The following ZNF841 variants were observed in gnomAD, a reference collection of about 807,000 sequenced individuals.
ZNF841 encodes TCONS_00006091.
In ZNF841, 11 loss-of-function variants were observed where a neutral mutation model predicts 13.0. The ratio of observed to expected loss-of-function variants is 0.85; its 90% CI spans 0.53 to 1.40. The LOEUF (loss-of-function observed/expected upper bound fraction) is 1.40. ZNF841 is among the 40% of genes most tolerant of loss of function. The probability of loss-of-function intolerance (pLI) is 0.00; values close to 1 mark genes in which losing one functional copy is unlikely to be tolerated. For missense variants in ZNF841, 1,068 were observed against 1,139.5 expected, an observed-to-expected ratio of 0.94 and a Z score of 0.90; for synonymous variants, 369 against 381.6, an observed-to-expected ratio of 0.97 and a Z score of 0.38.
chr19:52,079,713 C>T (rs1047950073), intron 4 of ZNF841, among the ~76,000 whole-genome samples: 1 of 151,950 alleles, frequency 6.6e-6, no homozygotes, highest in South Asian at 2.1e-4. Flanking sequence ...TGATTGTGGC[C>T]GGGCACGGTG....
chr19:52,091,912 C>T (rs1485169689), intron 2 of ZNF841, among the ~76,000 whole-genome samples: 4 of 152,046 alleles, frequency 2.6e-5, no homozygotes, highest in Non-Finnish European at 4.4e-5. Flanking sequence ...CACTTTGGGA[C>T]GCCAAGACAG....
Position 52,065,567 on chromosome 19 carries a change from T to C in ZNF841, c.2315A>G (p.Lys772Arg). 6.2e-7 allele frequency: 1 copy of C among 1,614,026 alleles called. No homozygotes were observed. The highest frequency in any genetic ancestry group is 8.5e-7 in the Non-Finnish European group (1 of 1,179,952). ...EKPYKCNECG[K>R]VFRYRSGLAR... ...GAGGCCTGAGCGATAACGGAAGACC[T>C]TGCCACATTCATTACATTTGTAAGG... is the stretch of plus-strand genomic sequence containing the variant. The change falls in exon 7 of 7, where the codon AAG becomes AGG. Residue 772 changes from lysine to arginine, a missense_variant. Physicochemically the swap from Lys to Arg is conservative, Grantham distance 26. Transcript: ENST00000594440.
chr19:52,086,682 T>C (rs1600102578), intron 3 of ZNF841, among the ~76,000 whole-genome samples: 1 of 152,210 alleles, frequency 6.6e-6, no homozygotes, highest in Non-Finnish European at 1.5e-5. Flanking sequence ...CCATGAGTCA[T>C]TCCCACATTG....
At chr19:52,070,061 G>A (rs2087696210) in intron 6 of ZNF841, among the ~76,000 whole-genome samples, 1 of 152,122 alleles carries the variant, frequency 6.6e-6, no homozygotes, top group South Asian at 2.1e-4. Flanking sequence ...ATGCCCACAG[G>A]ATTTATGTAT....
At chr19:52,086,992 C>A (rs1318075865) in intron 3 of ZNF841, among the ~76,000 whole-genome samples, 1 of 152,138 alleles carries the variant, frequency 6.6e-6, no homozygotes, top group Non-Finnish European at 1.5e-5. Context: ...AAGAGGGGTA[C>A]TCACTACAGG....
chr19:52,067,233 AATT>A lies in ZNF841; in HGVS notation c.646_648del (p.Asn216del), dbSNP rs1326069690. The A allele has an allele frequency of 6.5e-7, 1 of 1,549,300 alleles. No individual in the cohort carries two copies. Among genetic ancestry groups the A allele is most frequent in the Admixed American group, 2.0e-5 (1 of 50,432 alleles). On this transcript the variant is annotated inframe_deletion, in exon 7 of 7. Transcript: ENST00000594440. ...CTTTGAAGTGGTGAAGCTAAAAAACAATTATTAACTGTCCTCTCAATTTGATTA... is the reference window on the plus strand; with the variant it reads ...CTTTGAAGTGGTGAAGCTAAAAAACAATTAACTGTCCTCTCAATTTGATTA...
chr19:52,061,906 G>T (rs1484638911), downstream of ZNF841, among the ~76,000 whole-genome samples: 1 of 152,040 alleles, frequency 6.6e-6, no homozygotes, highest in Non-Finnish European at 1.5e-5. Flanking sequence ...CATCCCTATA[G>T]CCCCCTTACC....
At chr19:52,076,815 G>T in intron 5 of ZNF841, 143 bp downstream of exon 5, 2 of 965,072 alleles carry the variant, frequency 2.1e-6, no homozygotes, top group Non-Finnish European at 3.0e-6. Flanking sequence ...AAGGCCAGAT[G>T]CAGCATTATG....
At chr19:52,090,646 G>GAAA (rs2088443130) in intron 2 of ZNF841, among the ~76,000 whole-genome samples, 1 of 81,770 alleles carries the variant, frequency 1.2e-5, no homozygotes, top group East Asian at 3.4e-4. Flanking sequence ...AAGGAAGGAA[G>GAAA]GAAGGAAGGA....
At chr19:52,062,361 C>T (rs540755368), downstream of ZNF841, among the ~76,000 whole-genome samples, 31 of 152,188 alleles carry the variant, frequency 2.0e-4, no homozygotes, top group South Asian at 1.5e-3. Flanking sequence ...AAACATACTC[C>T]GTATGTTTCC....
intron 6 of ZNF841, among the ~76,000 whole-genome samples, chr19:52,072,462 G>A (rs971090257): frequency 1.1e-4 from 16 of 152,200 alleles, no homozygotes; most frequent in Admixed American, 5.9e-4. Context: ...GACTAAAATC[G>A]TAAAGCATAA....
At position 52,065,868 on chromosome 19, in the gene ZNF841, G is replaced by A. The variant is rs1375200248; in HGVS notation, c.2014C>T (p.Leu672=). Residue 672 remains leucine (L), a synonymous_variant, in exon 7 of 7, where the codon CTG becomes TTG. Coordinates refer to ENST00000594440, the MANE Select transcript of ZNF841 (RefSeq NM_001136499.2). ...GGGTTCTCTCCAGTATGAATTACCA[G>A]ATGTTTAGTGAGGCTTGAACGCTGA... The part of the protein sequence containing the change: ...YTQRSSLTKH[L]VIHTGENPYH... 6.2e-7 allele frequency: 1 copy of A among 1,614,056 alleles called. No homozygotes were observed. Among genetic ancestry groups the A allele is most frequent in the Admixed American group, 1.7e-5 (1 of 60,010 alleles).
intron 6 of ZNF841, among the ~76,000 whole-genome samples, chr19:52,072,768 G>A (rs531756696): frequency 6.6e-6 from 1 of 152,236 alleles, no homozygotes; most frequent in South Asian, 2.1e-4. Context: ...GCAGTGAGCC[G>A]AGATTGCACC....
chr19:52,064,070 C>G (rs113907785), downstream of ZNF841, among the ~76,000 whole-genome samples: 4 of 151,752 alleles, frequency 2.6e-5, no homozygotes, highest in Non-Finnish European at 5.9e-5. Context: ...TCTGGCCGGG[C>G]GCAGTGGCTC....
At chr19:52,094,741 T>G (rs1400498537) in intron 1 of ZNF841, among the ~76,000 whole-genome samples, 4 of 152,006 alleles carry the variant, frequency 2.6e-5, no homozygotes, top group Admixed American at 6.6e-5. Context: ...CACGTAGCTC[T>G]GTCAGCCGCG....
chr19:52,080,653 C>T (rs1261342339), intron 4 of ZNF841, among the ~76,000 whole-genome samples: 1 of 152,126 alleles, frequency 6.6e-6, no homozygotes, highest in Admixed American at 6.5e-5. Flanking sequence ...GTAACACAGA[C>T]AAACGCTAAG....
chr19:52,066,720 G>C lies in ZNF841; in HGVS notation c.1162C>G (p.Leu388Val), dbSNP rs1177253348. The C allele has an allele frequency of 6.2e-7, 1 of 1,611,370 alleles. No homozygotes were observed. Among genetic ancestry groups the C allele is most frequent in the Admixed American group, 1.7e-5 (1 of 59,514 alleles). ...GTATGAACTGTCTGATGAGTTGCAA[G>C]AGAGGAACTTTGACTAAAGCACTTC... ...CGKCFSQSSSLATHQTVHTGD... is the reference protein window; with the variant it reads ...CGKCFSQSSSVATHQTVHTGD... The change falls in exon 7 of 7, where the codon CTT becomes GTT. Residue 388 changes from leucine to valine, a missense_variant. Coordinates refer to ENST00000594440, the MANE Select transcript of ZNF841 (RefSeq NM_001136499.2).
At chr19:52,093,438 A>G (rs897611997) in intron 2 of ZNF841, among the ~76,000 whole-genome samples, 1 of 152,174 alleles carries the variant, frequency 6.6e-6, no homozygotes, top group Non-Finnish European at 1.5e-5. Context: ...ACAGGGTAGA[A>G]CAGTTGTTGC....
chr19:52,066,456 G>C lies in ZNF841; in HGVS notation c.1426C>G (p.Arg476Gly). The part of the protein sequence containing the change: ...FFQRSRLAGH[R>G]RIHTGEKPYK... ...GGTTTCTCTCCAGTATGAATTCTCC[G>C]GTGCCCTGCAAGACGTGAACGTTGA... The change falls in exon 7 of 7, where the codon CGG becomes GGG. Residue 476 changes from arginine to glycine, a missense_variant. Arg to Gly is a moderately radical substitution (Grantham distance 125, BLOSUM62 -2). Coordinates refer to ENST00000594440, the MANE Select transcript of ZNF841 (RefSeq NM_001136499.2). 1 of 1,613,708 alleles carries C rather than the reference G, an allele frequency of 6.2e-7. No homozygotes were observed. Among genetic ancestry groups the C allele is most frequent in the Non-Finnish European group, 8.5e-7 (1 of 1,179,890 alleles).
Sources: allele counts gnomAD v4.1 joint callset (sites outside exome capture counted in the v4.1 genomes callset), GRCh38; gene constraint gnomAD v4.1.1; transcripts MANE v1.5; gene names NCBI Gene and HGNC (gene_info 2026-07-23, HGNC 2026-07-21).